Variants in STK31 observed in about 807,000 individuals in gnomAD.
The protein encoded by STK31 is serine/threonine-protein kinase 31.
A neutral mutation model predicts 129.7 loss-of-function variants in STK31; 89 were observed. The observed-to-expected ratio is 0.69, with a 90% CI of 0.58 to 0.82. STK31 has a LOEUF of 0.82. STK31 is among the 40% of genes least tolerant of loss of function. The pLI is 0.00. For synonymous variants in STK31, 448 were observed against 395.3 expected (o/e 1.13, Z -1.58); for missense variants, 1,187 against 1,176.4 (o/e 1.01, Z -0.13).
chr7:23,762,996 T>G, intron 11 of STK31, 73 bp downstream of exon 11: 1 of 1,329,032 alleles, frequency 7.5e-7, no homozygotes. Flanking sequence ...GCATTTACCT[T>G]AAGACTTTAG....
intron 8 of STK31, among the ~76,000 whole-genome samples, chr7:23,744,989 G>A (rs965641190): frequency 6.6e-6 from 1 of 152,184 alleles, no homozygotes; most frequent in Non-Finnish European, 1.5e-5. Flanking sequence ...GTGTTCTTGG[G>A]CTCTTAGGCA....
At chr7:23,739,821 C>T (rs1187504998) in intron 8 of STK31, among the ~76,000 whole-genome samples, 1 of 152,092 alleles carries the variant, frequency 6.6e-6, no homozygotes, top group Non-Finnish European at 1.5e-5. Context: ...TTGTTCTGTT[C>T]CATTGATCTT....
chr7:23,798,507 T>C (rs181770091), intron 22 of STK31, among the ~76,000 whole-genome samples: 53,910 of 121,318 alleles, frequency 0.44, 13,837 homozygotes, highest in Admixed American at 0.51. Context: ...AACCACATGA[T>C]TACCTCAATA....
intron 22 of STK31, among the ~76,000 whole-genome samples, chr7:23,813,808 G>T (rs1041693335): frequency 6.6e-6 from 1 of 152,092 alleles, no homozygotes; most frequent in South Asian, 2.1e-4. Context: ...TCCTATGACC[G>T]ATGCAGAATA....
chr7:23,711,638 A>C (rs377032798), intron 1 of STK31, among the ~76,000 whole-genome samples: 3 of 152,242 alleles, frequency 2.0e-5, no homozygotes, highest in East Asian at 3.9e-4. Context: ...GCAGTCTTTA[A>C]TCCCACGGAA....
intron 23 of STK31, among the ~76,000 whole-genome samples, chr7:23,825,791 A>G (rs1238743737): frequency 1.3e-5 from 2 of 152,000 alleles, no homozygotes; most frequent in African/African-American, 4.8e-5. Flanking sequence ...AGATTCTGGT[A>G]TGTTGTGTCT....
chr7:23,746,124 T>A (rs1788336787), intron 8 of STK31, among the ~76,000 whole-genome samples: 1 of 152,152 alleles, frequency 6.6e-6, no homozygotes, highest in Non-Finnish European at 1.5e-5. Context: ...TACTTGGGGC[T>A]GGGCACACAA....
intron 8 of STK31, among the ~76,000 whole-genome samples, chr7:23,749,921 T>G (rs1788597406): frequency 6.6e-6 from 1 of 152,078 alleles, no homozygotes. Flanking sequence ...AGGATAGAGC[T>G]GGCTGGAGTT....
chr7:23,735,937 G>T (rs1325502733), intron 7 of STK31, 41 bp downstream of exon 7: 1 of 1,469,672 alleles, frequency 6.8e-7, no homozygotes, highest in Admixed American at 2.2e-5. Flanking sequence ...TGATGGTAGA[G>T]GTCCCTGTCA....
rs541852308 is a variant in STK31, at chr7:23,807,822, A to G, written c.2761-7322A>G. Among the ~76,000 whole-genome samples the G allele has an allele frequency of 6.6e-5, 10 of 151,960 alleles. No homozygotes were observed. The South Asian group carries it at 1.2e-3, about 19-fold the overall frequency. On this transcript the variant is annotated intron_variant, in intron 22 of 23. Transcript: ENST00000355870. ...GCTTTCCTGTCATATTTATTCTATC[A>G]TTCAGTCCACCTAATGAGTTTTAAC...
chr7:23,794,589 G>A lies in STK31; in HGVS notation c.2760+3643G>A, dbSNP rs1791837161. Among the ~76,000 whole-genome samples the A allele has an allele frequency of 1.3e-5, 2 of 152,188 alleles. 1 individual carries two copies. Among genetic ancestry groups the A allele is most frequent in the South Asian group, 4.1e-4 (2 of 4,828 alleles). On this transcript the variant is annotated intron_variant, in intron 22 of 23. Transcript: ENST00000355870. Reference sequence around the variant, plus strand: ...GCAGAGGTTGGAGGGCTCAGAAGAGGACAGGAAGATGTGGGAAAGTTTGGA... The same window carrying A: ...GCAGAGGTTGGAGGGCTCAGAAGAGAACAGGAAGATGTGGGAAAGTTTGGA...
At position 23,730,878 on chromosome 7, in the gene STK31, A is replaced by ATATATATTTT; in HGVS notation, c.483+1630_483+1631insATATATTTTT. Reference sequence around the variant, plus strand: ...CATTTATATATATATATATATATATATTTTTTTTTTTTTTTTTTGGTTGGG... The same window carrying ATATATATTTT: ...CATTTATATATATATATATATATATATATATATTTTTTTTTTTTTTTTTTTTTTGGTTGGG... On this transcript the variant is annotated intron_variant, in intron 6 of 23. Coordinates refer to ENST00000355870, the MANE Select transcript of STK31 (RefSeq NM_031414.5). 8.4e-4 allele frequency among the ~76,000 whole-genome samples: 50 copies of ATATATATTTT among 59,540 alleles called. 1 individual carries two copies. Among genetic ancestry groups the ATATATATTTT allele is most frequent in the Admixed American group, 4.9e-3 (18 of 3,668 alleles). 39.1% of individuals were successfully genotyped at this position (59,540 alleles called of 152,430 possible).
At chr7:23,830,316 G>A (rs113839780) in intron 23 of STK31, among the ~76,000 whole-genome samples, 22 of 151,178 alleles carry the variant, frequency 1.5e-4, no homozygotes, top group African/African-American at 4.1e-4. Context: ...GTTATTCTTC[G>A]TTTTCTACTA....
chr7:23,710,157 G>T, upstream of STK31: 1 of 1,532,018 alleles, frequency 6.5e-7, no homozygotes, highest in South Asian at 1.2e-5. Flanking sequence ...GCTGCCACGT[G>T]ACTCCCGCTA....
chr7:23,775,122 C>CCTG (rs1554291882), intron 15 of STK31, among the ~76,000 whole-genome samples: 5 of 152,060 alleles, frequency 3.3e-5, no homozygotes. Context: ...TCAGGTTTGT[C>CCTG]AAAGATCAGA....
intron 8 of STK31, among the ~76,000 whole-genome samples, chr7:23,747,603 C>T (rs1379175368): frequency 2.6e-5 from 4 of 152,106 alleles, no homozygotes; most frequent in Admixed American, 6.5e-5. Flanking sequence ...CTCCTGACCT[C>T]GTGATCCACC....
At chr7:23,826,372 T>C (rs1180876696) in intron 23 of STK31, among the ~76,000 whole-genome samples, 2 of 152,166 alleles carry the variant, frequency 1.3e-5, no homozygotes, top group Admixed American at 1.3e-4. Flanking sequence ...TTGTCTCTTT[T>C]GATCTTTGTT....
At chr7:23,783,741 T>A in intron 17 of STK31, 78 bp downstream of exon 17, 3 of 1,157,912 alleles carry the variant, frequency 2.6e-6, no homozygotes, top group Non-Finnish European at 3.7e-6. Context: ...GTGTCAGTGT[T>A]AAACTTATAG....
At chr7:23,710,371 C>G in intron 1 of STK31, 36 bp downstream of exon 1, 1 of 1,613,216 alleles carries the variant, frequency 6.2e-7, no homozygotes, top group Non-Finnish European at 8.5e-7. Flanking sequence ...GCAGTGGTGG[C>G]CGCTTCAAGG....
Sources: allele counts gnomAD v4.1 joint callset (sites outside exome capture counted in the v4.1 genomes callset), GRCh38; gene constraint gnomAD v4.1.1; transcripts MANE v1.5; gene names NCBI Gene and HGNC (gene_info 2026-07-23, HGNC 2026-07-21).